Variants in PLAC8 observed in about 807,000 individuals in gnomAD.
PLAC8 encodes the protein placenta-specific gene 8 protein.
PLAC8 carries 6 observed loss-of-function variants against 12.6 expected under a neutral mutation model. That is an observed-to-expected ratio of 0.48 (90% confidence interval 0.26 to 0.94). The LOEUF (loss-of-function observed/expected upper bound fraction) is 0.94. Ranked by LOEUF, PLAC8 falls within the 40% of genes least tolerant of loss-of-function variation. PLAC8 has a pLI of 0.14. For missense variants in PLAC8, 122 were observed against 152.7 expected (o/e 0.80, Z 1.06); for synonymous variants, 54 against 52.6 (o/e 1.03, Z -0.11).
intron 3 of PLAC8, among the ~76,000 whole-genome samples, chr4:83,097,952 G>A (rs962865435): frequency 2.1e-5 from 3 of 144,334 alleles, no homozygotes; most frequent in African/African-American, 5.1e-5. Context: ...TCCGCCTCCC[G>A]GGTTCAAGTG....
In PLAC8 at chr4:83,108,345, C is replaced by A. The variant is rs1265617108; in HGVS notation, c.-29-395G>T. ...CGGTGACTCAGGTCTGTAATCCCGG[C>A]ACTTTGGGAGGCCGAGGCCGACGGA... On this transcript the variant is annotated intron_variant, in intron 1 of 4. Transcript: ENST00000311507. 2.0e-5 allele frequency among the ~76,000 whole-genome samples: 3 copies of A among 152,228 alleles called. No homozygotes were observed. In the East Asian group the frequency reaches 5.8e-4, roughly 29 times the overall value.
intron 3 of PLAC8, among the ~76,000 whole-genome samples, chr4:83,096,348 C>T (rs948503065): frequency 6.6e-6 from 1 of 152,116 alleles, no homozygotes; most frequent in Non-Finnish European, 1.5e-5. Flanking sequence ...TGCTCAGCTG[C>T]ACCTAGCTGA....
chr4:83,103,809 C>T (rs775304040), intron 3 of PLAC8, among the ~76,000 whole-genome samples: 8 of 152,210 alleles, frequency 5.3e-5, no homozygotes, highest in Non-Finnish European at 1.2e-4. Flanking sequence ...GCTGGGATTA[C>T]AGGCACCTGC....
chr4:83,102,670 T>C (rs902319454), intron 3 of PLAC8, among the ~76,000 whole-genome samples: 21 of 152,192 alleles, frequency 1.4e-4, no homozygotes, highest in Non-Finnish European at 2.5e-4. Context: ...GTAGAGAAAG[T>C]AACTACAGAT....
At chr4:83,111,167 C>T (rs1161433579) in intron 1 of PLAC8, among the ~76,000 whole-genome samples, 1 of 152,186 alleles carries the variant, frequency 6.6e-6, no homozygotes, top group Non-Finnish European at 1.5e-5. Context: ...GGGGGTCTCA[C>T]TATGTTGCCC....
intron 1 of PLAC8, among the ~76,000 whole-genome samples, chr4:83,114,242 A>G (rs1395566917): frequency 4.6e-5 from 7 of 152,184 alleles, no homozygotes; most frequent in Non-Finnish European, 8.8e-5. Context: ...ACAAAATTCC[A>G]TATCTTGTTT....
At chr4:83,109,390 A>G (rs1023847756) in intron 1 of PLAC8, among the ~76,000 whole-genome samples, 1 of 152,172 alleles carries the variant, frequency 6.6e-6, no homozygotes, top group Non-Finnish European at 1.5e-5. Context: ...ACACTAAAAG[A>G]AGGAGGCGGA....
chr4:83,100,247 C>T (rs556838120), intron 3 of PLAC8, among the ~76,000 whole-genome samples: 5 of 149,226 alleles, frequency 3.4e-5, no homozygotes, highest in African/African-American at 1.2e-4. Context: ...TGCCACTGCA[C>T]TCCAGCCTGG....
Position 83,091,698 on chromosome 4 carries a change from C to T in PLAC8, c.*10-727G>A, listed in dbSNP as rs115570188. Reference sequence around the variant, plus strand: ...CCCACTTCAGGGTGGGGAATCATGCCGCTCTCCTTGAGGAAGGAGTATCTA... The same window carrying T: ...CCCACTTCAGGGTGGGGAATCATGCTGCTCTCCTTGAGGAAGGAGTATCTA... On this transcript the variant is annotated intron_variant, in intron 4 of 4. Coordinates refer to ENST00000311507, the MANE Select transcript of PLAC8 (RefSeq NM_016619.3). 7.0e-3 allele frequency among the ~76,000 whole-genome samples: 1,065 copies of T among 152,192 alleles called. 8 individuals carry two copies. The highest frequency in any genetic ancestry group is 0.024 in the African/African-American group (997 of 41,518).
chr4:83,103,825 C>T (rs542431972), intron 3 of PLAC8, among the ~76,000 whole-genome samples: 8 of 152,150 alleles, frequency 5.3e-5, no homozygotes, highest in Non-Finnish European at 1.2e-4. Flanking sequence ...CCTGCCACCA[C>T]GCCTGGCTAA....
chr4:83,104,571 CCCACTTTACAGAGATGATGTG>C (rs1732190756), intron 3 of PLAC8, among the ~76,000 whole-genome samples: 2 of 152,188 alleles, frequency 1.3e-5, no homozygotes, highest in African/African-American at 4.8e-5. Context: ...TGTGGACCTA[CCCACTTTACAGAGATGATGTG>C]AGGATTAAGT....
chr4:83,111,910 C>T (rs1043357296), intron 1 of PLAC8, among the ~76,000 whole-genome samples: 2 of 151,866 alleles, frequency 1.3e-5, no homozygotes, highest in East Asian at 1.9e-4. Context: ...GCAGCTGTAT[C>T]GGCTGGGTGT....
chr4:83,095,142 A>G (rs1731895542), intron 3 of PLAC8, among the ~76,000 whole-genome samples: 1 of 152,152 alleles, frequency 6.6e-6, no homozygotes, highest in Non-Finnish European at 1.5e-5. Context: ...TGCGGGTGTA[A>G]ACCAAGAAAG....
intron 4 of PLAC8, 198 bp downstream of exon 4, chr4:83,094,480 T>G (rs1731878973): frequency 2.3e-6 from 1 of 444,132 alleles, no homozygotes; most frequent in African/African-American, 2.1e-5. Context: ...CTTTATTTAC[T>G]AAAATATGGT....
At chr4:83,106,084 C>T (rs1411507564) in intron 2 of PLAC8, among the ~76,000 whole-genome samples, 1 of 152,042 alleles carries the variant, frequency 6.6e-6, no homozygotes, top group African/African-American at 2.4e-5. Context: ...ACTGCAACCT[C>T]TACCTCTCAG....
intron 1 of PLAC8, among the ~76,000 whole-genome samples, chr4:83,111,858 CT>C (rs1732429597): frequency 1.3e-5 from 2 of 152,100 alleles, no homozygotes; most frequent in South Asian, 4.1e-4. Context: ...TTCTGAGTGC[CT>C]TTGAAATCCA....
At chr4:83,104,827 C>G (rs1350662578) in intron 3 of PLAC8, 69 bp downstream of exon 3, 1 of 1,509,786 alleles carries the variant, frequency 6.6e-7, no homozygotes, top group Middle Eastern at 2.2e-4. Context: ...ATCAAATGAT[C>G]TCCATGTTTA....
At chr4:83,110,284 G>A (rs368845361) in intron 1 of PLAC8, among the ~76,000 whole-genome samples, 17 of 145,428 alleles carry the variant, frequency 1.2e-4, no homozygotes, top group Admixed American at 7.8e-4. Flanking sequence ...TTATTAGATG[G>A]ACCCTGGATT....
At chr4:83,105,761 G>A (rs771452028) in intron 2 of PLAC8, among the ~76,000 whole-genome samples, 5 of 152,196 alleles carry the variant, frequency 3.3e-5, no homozygotes, top group Non-Finnish European at 7.3e-5. Flanking sequence ...TGGAACTTGT[G>A]TATTCATTTA....
Sources: allele counts gnomAD v4.1 joint callset (sites outside exome capture counted in the v4.1 genomes callset), GRCh38; gene constraint gnomAD v4.1.1; transcripts MANE v1.5; gene names NCBI Gene and HGNC (gene_info 2026-07-23, HGNC 2026-07-21).